Variants in PSMA3 observed in about 807,000 individuals in gnomAD.
PSMA3 encodes proteasome 20S subunit alpha 3.
PSMA3 carries 8 observed loss-of-function variants against 40.0 expected under a neutral mutation model. The observed-to-expected ratio is 0.20, with a 90% CI of 0.12 to 0.36. The LOEUF is 0.36. Ranked by LOEUF, PSMA3 falls within the 10% of genes least tolerant of loss-of-function variation. The pLI, the probability that PSMA3 is intolerant of heterozygous loss-of-function variation, is 1.00. For missense variants in PSMA3, 219 were observed against 310.6 expected (o/e 0.70, Z 2.22); for synonymous variants, 110 against 100.0 (o/e 1.10, Z -0.59).
At chr14:58,269,085 C>A (rs1418676621) in intron 8 of PSMA3, among the ~76,000 whole-genome samples, 1 of 152,078 alleles carries the variant, frequency 6.6e-6, no homozygotes, top group Non-Finnish European at 1.5e-5. Flanking sequence ...CAGGCGCCCA[C>A]CACCACACCT....
At position 58,250,368 on chromosome 14, in the gene PSMA3, A is replaced by G. The variant is rs74057655; in HGVS notation, c.105-1751A>G. On this transcript the variant is annotated intron_variant, in intron 2 of 10. Transcript: ENST00000216455. ...ACTGCTTGAGTTCAACTAAGTTTGC[A>G]AACCTTTTGGGGAAATTCATTTAAA... 9.5e-3 allele frequency among the ~76,000 whole-genome samples: 1,448 copies of G among 152,240 alleles called. 20 individuals carry two copies. The highest frequency in any genetic ancestry group is 0.034 in the African/African-American group (1,402 of 41,542).
At chr14:58,249,920 G>C (rs760828327) in intron 2 of PSMA3, among the ~76,000 whole-genome samples, 5 of 152,096 alleles carry the variant, frequency 3.3e-5, no homozygotes, top group Non-Finnish European at 5.9e-5. Context: ...GTTGAGTTGA[G>C]ATAATTAAGA....
intron 3 of PSMA3, among the ~76,000 whole-genome samples, chr14:58,256,607 T>G: frequency 6.6e-6 from 1 of 151,324 alleles, no homozygotes; most frequent in East Asian, 2.0e-4. Context: ...AGAGACGGCA[T>G]TTCACCATCT....
At chr14:58,263,160 T>C (rs1890331708) in intron 6 of PSMA3, among the ~76,000 whole-genome samples, 1 of 151,994 alleles carries the variant, frequency 6.6e-6, no homozygotes, top group Non-Finnish European at 1.5e-5. Context: ...TTTTTTTGTA[T>C]TTTTAGTAGA....
intron 7 of PSMA3, chr14:58,267,269 TG>T: frequency 1.0e-6 from 1 of 952,988 alleles, no homozygotes; most frequent in Non-Finnish European, 1.3e-6. Context: ...CCCAAAGTGC[TG>T]GGATTACAGG....
chr14:58,266,064 C>CTGATA (rs1363778495), intron 7 of PSMA3: 1 of 152,172 alleles, frequency 6.6e-6, no homozygotes, highest in African/African-American at 2.4e-5. Context: ...CTATTTCAAA[C>CTGATA]TATCAAGGTT....
chr14:58,264,075 G>A (rs1389566608), intron 7 of PSMA3, among the ~76,000 whole-genome samples: 1 of 152,152 alleles, frequency 6.6e-6, no homozygotes, highest in African/African-American at 2.4e-5. Flanking sequence ...GGGAAAGCTG[G>A]TAACATATTA....
chr14:58,244,865 T>C lies in PSMA3; in HGVS notation c.-56T>C. ...GTTACTAGTTTGCGGCATCCTGTGG[T>C]ATAGGGGAAGCGCTCCGGGCCTGGA... On this transcript the variant is annotated 5_prime_UTR_variant, in exon 1 of 11. Coordinates refer to ENST00000216455, the MANE Select transcript of PSMA3 (RefSeq NM_002788.4). 1 of 1,613,896 alleles carries C rather than the reference T, an allele frequency of 6.2e-7. No individual in the cohort carries two copies. The highest frequency in any genetic ancestry group is 2.2e-5 in the East Asian group (1 of 44,872).
intron 3 of PSMA3, among the ~76,000 whole-genome samples, chr14:58,253,815 G>T (rs1594825495): frequency 6.6e-6 from 1 of 151,910 alleles, no homozygotes; most frequent in South Asian, 2.1e-4. Flanking sequence ...GCTGGTCTCG[G>T]ACTCCTGAAC....
Position 58,270,876 on chromosome 14 carries a change from C to G in PSMA3, c.659-58C>G, listed in dbSNP as rs1001860144. 7 of 1,393,818 alleles carry G rather than the reference C, an allele frequency of 5.0e-6. No homozygotes were observed. In the African/African-American group the frequency reaches 1.0e-4, roughly 20 times the overall value. 86.3% of individuals were successfully genotyped at this position (1,393,818 alleles called of 1,614,324 possible). A position where few individuals can be genotyped will look rare whatever the true frequency, so the allele number is the denominator to read the frequency against. ...ATTGGGTAGATCCTATGGTATACTG[C>G]AAGTTACAATATGGTACTCAATTTA... On this transcript the variant is annotated intron_variant, in intron 9 of 10. Coordinates refer to ENST00000216455, the MANE Select transcript of PSMA3 (RefSeq NM_002788.4).
In PSMA3 at chr14:58,257,714, T is replaced by C. The variant is rs992089606; in HGVS notation, c.229-31T>C. On this transcript the variant is annotated intron_variant, in intron 3 of 10. Coordinates refer to ENST00000216455, the MANE Select transcript of PSMA3 (RefSeq NM_002788.4). ...GACTTTGATTTGTGATAGGAATGTG[T>C]TCCTCTAGTAAATTGGTGCTTTTTT... 1.9e-6 allele frequency: 3 copies of C among 1,553,440 alleles called. No individual in the cohort carries two copies. The African/African-American group carries it at 4.1e-5, about 21-fold the overall frequency.
chr14:58,249,923 A>G (rs907930892), intron 2 of PSMA3, among the ~76,000 whole-genome samples: 1 of 152,178 alleles, frequency 6.6e-6, no homozygotes, highest in Non-Finnish European at 1.5e-5. Flanking sequence ...GAGTTGAGAT[A>G]ATTAAGACAG....
chr14:58,270,400 T>G lies in PSMA3; in HGVS notation c.591-18T>G. On this transcript the variant is annotated intron_variant, in intron 8 of 10. Coordinates refer to ENST00000216455, the MANE Select transcript of PSMA3 (RefSeq NM_002788.4). The stretch of plus-strand genomic sequence containing the variant: ...TTTGGAGGTTACCAAAATCTTACCT[T>G]TCCCTTTTCTATTCTAGAATTTACA... The G allele has an allele frequency of 6.2e-7, 1 of 1,612,786 alleles. No individual in the cohort carries two copies. Among genetic ancestry groups the G allele is most frequent in the Non-Finnish European group, 8.5e-7 (1 of 1,179,352 alleles).
intron 6 of PSMA3, among the ~76,000 whole-genome samples, chr14:58,263,019 G>A (rs1242088605): frequency 2.3e-5 from 3 of 131,874 alleles, no homozygotes; most frequent in Non-Finnish European, 4.7e-5. Flanking sequence ...GTCTCACTCT[G>A]TTGCCCAGGC....
chr14:58,267,244 C>G, intron 7 of PSMA3: 1 of 623,430 alleles, frequency 1.6e-6, no homozygotes, highest in Non-Finnish European at 2.1e-6. Flanking sequence ...TCAGGCAATC[C>G]GGCCGCCTCG....
At chr14:58,246,121 A>C (rs1889874819) in intron 1 of PSMA3, among the ~76,000 whole-genome samples, 1 of 152,226 alleles carries the variant, frequency 6.6e-6, no homozygotes, top group Non-Finnish European at 1.5e-5. Context: ...CAGACTCAGA[A>C]AGTACCACTG....
At chr14:58,245,846 C>T (rs1889869148) in intron 1 of PSMA3, among the ~76,000 whole-genome samples, 1 of 152,140 alleles carries the variant, frequency 6.6e-6, no homozygotes, top group African/African-American at 2.4e-5. Context: ...TACCGGTGTT[C>T]TAAATTTGAT....
At chr14:58,253,299 T>G (rs1039107249) in intron 3 of PSMA3, among the ~76,000 whole-genome samples, 1 of 152,202 alleles carries the variant, frequency 6.6e-6, no homozygotes, top group Non-Finnish European at 1.5e-5. Flanking sequence ...TAATGCCATT[T>G]TCACAGGTGA....
At position 58,254,331 on chromosome 14, in the gene PSMA3, TGC is replaced by T. The variant is rs1491034023; in HGVS notation, c.228+2090_228+2091del. Among the ~76,000 whole-genome samples the T allele has an allele frequency of 1.4e-3, 149 of 107,260 alleles. 2 individuals are homozygous for T. Among genetic ancestry groups the T allele is most frequent in the African/African-American group, 4.6e-3 (122 of 26,490 alleles). 70.4% of individuals were successfully genotyped at this position (107,260 alleles called of 152,430 possible). ...TTAATATTTTGAAAAAAATTATGCA[TGC>T]ATATATATATGTATGTACACACACA... On this transcript the variant is annotated intron_variant, in intron 3 of 10. Coordinates refer to ENST00000216455, the MANE Select transcript of PSMA3 (RefSeq NM_002788.4).
Sources: gnomAD v4.1 joint callset for allele counts (sites outside exome capture counted in the v4.1 genomes callset) on GRCh38, gnomAD v4.1.1 for gene constraint, MANE v1.5 for transcripts, NCBI Gene and HGNC (gene_info 2026-07-23, HGNC 2026-07-21) for gene names.